CACNA1C: variants seen among roughly 807,000 people sequenced by gnomAD.
CACNA1C encodes the protein calcium voltage-gated channel subunit alpha1 C, also known as voltage-dependent L-type calcium channel subunit alpha-1C.
CACNA1C carries 30 observed loss-of-function variants against 229.0 expected under a neutral mutation model. That is an observed-to-expected ratio of 0.13 (90% CI 0.10 to 0.18). CACNA1C has a LOEUF of 0.18. CACNA1C is among the 10% of genes least tolerant of loss of function. The pLI is 1.00. For synonymous variants in CACNA1C, 1,114 were observed against 1,132.5 expected (o/e 0.98, Z 0.33); for missense variants, 1,658 against 2,845.0 (o/e 0.58, Z 9.49).
At chr12:2,690,024 C>G (rs1273931659) in intron 46 of CACNA1C, 1 of 152,238 alleles carries the variant, frequency 6.6e-6, no homozygotes, top group African/African-American at 2.4e-5. Context: ...CCGATTTTCC[C>G]ATAGCCAGGC....
At chr12:2,316,754 T>C (rs748163909) in intron 3 of CACNA1C, among the ~76,000 whole-genome samples, 8 of 152,232 alleles carry the variant, frequency 5.3e-5, no homozygotes, top group Non-Finnish European at 1.2e-4. Flanking sequence ...AGTTAGGGCT[T>C]GTGCTGGCAG....
intron 5 of CACNA1C, among the ~76,000 whole-genome samples, chr12:2,464,164 G>C (rs1486810345): frequency 6.6e-6 from 1 of 152,140 alleles, no homozygotes. Flanking sequence ...ACCTAGACTT[G>C]ATCTGATGAT....
chr12:2,527,059 T>C (rs2099819657), intron 9 of CACNA1C, among the ~76,000 whole-genome samples: 1 of 152,222 alleles, frequency 6.6e-6, no homozygotes, highest in African/African-American at 2.4e-5. Context: ...ATTCAGTGTT[T>C]TGTTTTATTC....
chr12:2,582,350 A>G (rs1479247541), intron 14 of CACNA1C, among the ~76,000 whole-genome samples: 1 of 152,328 alleles, frequency 6.6e-6, no homozygotes, highest in East Asian at 1.9e-4. Flanking sequence ...GGCAAACTCA[A>G]AGTGGCATCT....
chr12:2,623,103 G>A (rs2084256228), intron 29 of CACNA1C, among the ~76,000 whole-genome samples: 1 of 152,168 alleles, frequency 6.6e-6, no homozygotes. Context: ...CTGCTCTTTG[G>A]GAAGGTATTC....
intron 3 of CACNA1C, among the ~76,000 whole-genome samples, chr12:2,385,867 G>A (rs1042470146): frequency 6.6e-6 from 1 of 152,192 alleles, no homozygotes; most frequent in Non-Finnish European, 1.5e-5. Context: ...GGGCCTGGGT[G>A]GGGCCAGTGG....
intron 3 of CACNA1C, among the ~76,000 whole-genome samples, chr12:2,436,760 G>A (rs2099138901): frequency 6.6e-6 from 1 of 152,366 alleles, no homozygotes; most frequent in Non-Finnish European, 1.5e-5. Flanking sequence ...TCAGAAGCAA[G>A]TACTAGAAAA....
chr12:2,502,289 T>A (rs901110886), intron 7 of CACNA1C, among the ~76,000 whole-genome samples: 2 of 152,244 alleles, frequency 1.3e-5, no homozygotes, highest in Non-Finnish European at 2.9e-5. Flanking sequence ...GCTGAGGACC[T>A]ACTATGTGCG....
At chr12:2,169,829 G>A (rs2096402697) in intron 3 of CACNA1C, among the ~76,000 whole-genome samples, 1 of 152,210 alleles carries the variant, frequency 6.6e-6, no homozygotes, top group Non-Finnish European at 1.5e-5. Context: ...ATGTGTTACA[G>A]CATTGCCTCC....
chr12:2,457,142 T>C (rs906268082), intron 4 of CACNA1C, among the ~76,000 whole-genome samples: 1 of 151,048 alleles, frequency 6.6e-6, no homozygotes, highest in Non-Finnish European at 1.5e-5. Flanking sequence ...AGAGGGGGGG[T>C]ATCTAGAAGG....
chr12:2,382,320 A>C (rs1248910301), intron 3 of CACNA1C, among the ~76,000 whole-genome samples: 1 of 152,246 alleles, frequency 6.6e-6, no homozygotes, highest in East Asian at 1.9e-4. Flanking sequence ...GTAATCCACT[A>C]GATTTTGTTA....
intron 1 of CACNA1C, among the ~76,000 whole-genome samples, chr12:2,019,491 G>GGGAA (rs2046003550): frequency 2.1e-5 from 3 of 142,634 alleles, no homozygotes; most frequent in African/African-American, 7.8e-5. Context: ...AGAAAAGAAA[G>GGGAA]GGAGGGAGGG....
chr12:2,347,534 C>T (rs1161491304), intron 3 of CACNA1C, among the ~76,000 whole-genome samples: 1 of 152,212 alleles, frequency 6.6e-6, no homozygotes, highest in East Asian at 1.9e-4. Flanking sequence ...AGGCTCTAGG[C>T]CTGATGCTCA....
rs1347397249 is a variant in CACNA1C, at chr12:2,285,012, A to G, written c.478-163964A>G. On this transcript the variant is annotated intron_variant, in intron 3 of 46. Transcript: ENST00000399655. The surrounding 1 kb of genome is among the most constrained non-coding windows in gnomAD (Gnocchi z 4.2). ...CCCTTCAGTGAGCGGGGCCTGGGGT[A>G]GGGCCGTTCTGCAGATCCTGGGTTG... is the stretch of plus-strand genomic sequence containing the variant. 6.6e-6 allele frequency among the ~76,000 whole-genome samples: 1 copy of G among 152,114 alleles called. No homozygotes were observed. The highest frequency in any genetic ancestry group is 2.4e-5 in the African/African-American group (1 of 41,414).
At chr12:2,481,314 C>A (rs2099674876) in intron 5 of CACNA1C, among the ~76,000 whole-genome samples, 1 of 152,208 alleles carries the variant, frequency 6.6e-6, no homozygotes, top group Non-Finnish European at 1.5e-5. Flanking sequence ...CTCAAAACCA[C>A]CGTAGAGAAA....
chr12:2,387,215 T>A (rs2098406534), intron 3 of CACNA1C, among the ~76,000 whole-genome samples: 2 of 152,178 alleles, frequency 1.3e-5, no homozygotes, highest in Non-Finnish European at 2.9e-5. Flanking sequence ...CCGGGTGCAG[T>A]GGCTCATGCC....
chr12:2,695,230 C>A lies in CACNA1C; in HGVS notation c.*4031C>A, dbSNP rs571217857. ...ATTTTGACTCCCTCTGTGCCTCTTCCCAGTTCATGGAAGGATGTGTTCAGC... is the reference window on the plus strand; with the variant it reads ...ATTTTGACTCCCTCTGTGCCTCTTCACAGTTCATGGAAGGATGTGTTCAGC... On this transcript the variant is annotated 3_prime_UTR_variant, in exon 47 of 47. Coordinates refer to ENST00000399655, the MANE Select transcript of CACNA1C (RefSeq NM_000719.7). 7.2e-5 allele frequency: 11 copies of A among 152,330 alleles called. No individual in the cohort carries two copies. Among genetic ancestry groups the A allele is most frequent in the African/African-American group, 2.4e-4 (10 of 41,556 alleles). The allele number at this position is 152,330 out of a possible 1,614,324, so 9.4% of individuals were successfully genotyped here.
chr12:2,024,418 A>T (rs1344614070), intron 1 of CACNA1C, among the ~76,000 whole-genome samples: 1 of 152,162 alleles, frequency 6.6e-6, no homozygotes, highest in African/African-American at 2.4e-5. Context: ...CTCTCAAGCA[A>T]TCCAGGGTGT....
In CACNA1C at chr12:2,689,845, T is replaced by C. The variant is rs2097720193; in HGVS notation, c.6118-1055T>C. The C allele has an allele frequency of 6.6e-6, 1 of 152,084 alleles. No homozygotes were observed. The highest frequency in any genetic ancestry group is 2.4e-5 in the African/African-American group (1 of 41,378). 9.4% of individuals were successfully genotyped at this position (152,084 alleles called of 1,614,324 possible). ...TCACATCATGGTGAGGAGAGACAGATAATAAACACATACATATATAACACA... is the reference window on the plus strand; with the variant it reads ...TCACATCATGGTGAGGAGAGACAGACAATAAACACATACATATATAACACA... On this transcript the variant is annotated intron_variant, in intron 46 of 46. Transcript: ENST00000399655. This position sits in a 1 kb window ranked among gnomAD's most constrained non-coding sequence, Gnocchi z 4.2.
Sources: gnomAD v4.1 joint callset for allele counts (sites outside exome capture counted in the v4.1 genomes callset) on GRCh38, gnomAD v4.1.1 for gene constraint, Gnocchi (gnomAD v3.1) non-coding constraint, MANE v1.5 for transcripts, NCBI Gene and HGNC (gene_info 2026-07-23, HGNC 2026-07-21) for gene names.